Variants in NAV1 observed in about 807,000 individuals in gnomAD.
NAV1 encodes the protein neuron navigator 1.
A neutral mutation model predicts 175.2 loss-of-function variants in NAV1; 18 were observed. That is an observed-to-expected ratio of 0.10 (90% CI 0.07 to 0.15). The LOEUF is 0.15. Among genes scored for constraint, NAV1 ranks in the 10% least tolerant of loss-of-function variants. The pLI, the probability that NAV1 is intolerant of heterozygous loss-of-function variation, is 1.00. For synonymous variants in NAV1, 897 were observed against 978.7 expected, an observed-to-expected ratio of 0.92 and a Z score of 1.56; for missense variants, 1,731 against 2,436.6, an observed-to-expected ratio of 0.71 and a Z score of 6.10.
At chr1:201,809,095 A>G in intron 20 of NAV1, 69 bp from the exon 25 acceptor site, 1 of 1,490,200 alleles carries the variant, frequency 6.7e-7, no homozygotes, top group South Asian at 1.1e-5. Context: ...TGGAAAGGAT[A>G]ATGATGGGAA....
chr1:201,783,847 G>A, exon 7 of NAV1: 2 of 1,606,908 alleles, frequency 1.2e-6, no homozygotes, highest in Non-Finnish European at 1.7e-6. Context: ...CTGGGCAACT[G>A]GACAGGTAGG....
chr1:201,545,780 C>A (rs1011914005), intron 1 of NAV1, among the ~76,000 whole-genome samples: 1 of 152,196 alleles, frequency 6.6e-6, no homozygotes, highest in African/African-American at 2.4e-5. Context: ...AACCAGAGAA[C>A]TGGGCTGATG....
At chr1:201,638,240 G>A (rs1668661693) in intron 2 of NAV1, among the ~76,000 whole-genome samples, 1 of 152,168 alleles carries the variant, frequency 6.6e-6, no homozygotes, top group African/African-American at 2.4e-5. Flanking sequence ...CTGACTTGTT[G>A]GGACTGTCAG....
intron 1 of NAV1, among the ~76,000 whole-genome samples, chr1:201,543,042 T>G (rs1665559306): frequency 6.6e-6 from 1 of 152,258 alleles, no homozygotes; most frequent in African/African-American, 2.4e-5. Context: ...CTTTGGGATT[T>G]TCTATACATA....
rs1275323814 is a variant in NAV1, at chr1:201,740,268, C to G, written c.1226+21513C>G. ...CGCCAGAGAGGAGTGCCTGCGCCGC[C>G]GGAGCCTCCGAGCTCCTGGACGTTT... On this transcript the variant is annotated intron_variant, in intron 3 of 29. Coordinates refer to ENST00000367296, the Ensembl canonical transcript of NAV1. This position sits in a 1 kb window ranked among gnomAD's most constrained non-coding sequence, Gnocchi z 4.7. 1.3e-5 allele frequency among the ~76,000 whole-genome samples: 2 copies of G among 152,220 alleles called. No homozygotes were observed. The highest frequency in any genetic ancestry group is 4.8e-5 in the African/African-American group (2 of 41,448).
intron 2 of NAV1, among the ~76,000 whole-genome samples, chr1:201,642,033 CTCCT>C (rs1014944360): frequency 2.0e-5 from 3 of 147,890 alleles, no homozygotes; most frequent in Non-Finnish European, 4.5e-5. Context: ...CTCTTCCTTC[CTCCT>C]TCCTTTCCTT....
At chr1:201,648,482 C>A (rs1006679713) in exon 1 of NAV1, 61 of 1,233,508 alleles carry the variant, frequency 4.9e-5, no homozygotes, top group Non-Finnish European at 5.9e-5. Flanking sequence ...CTTTCCCCTG[C>A]GCCCTCGGCT....
chr1:201,665,836 C>A (rs560311545), intron 1 of NAV1, among the ~76,000 whole-genome samples: 1 of 151,888 alleles, frequency 6.6e-6, no homozygotes, highest in African/African-American at 2.4e-5. Context: ...CATCCTCCCT[C>A]ATCTCTCAAT....
chr1:201,603,662 G>C (rs570323366), intron 2 of NAV1, among the ~76,000 whole-genome samples: 1 of 152,264 alleles, frequency 6.6e-6, no homozygotes, highest in East Asian at 1.9e-4. Context: ...CCCCACTCCA[G>C]ACAGTAGGCC....
intron 1 of NAV1, among the ~76,000 whole-genome samples, chr1:201,562,487 G>A (rs1310735928): frequency 6.6e-6 from 1 of 152,222 alleles, no homozygotes; most frequent in African/African-American, 2.4e-5. Flanking sequence ...CTCCATCACA[G>A]CAACCCCTCA....
chr1:201,777,485 G>A (rs1300021410), intron 3 of NAV1, among the ~76,000 whole-genome samples: 2 of 151,012 alleles, frequency 1.3e-5, no homozygotes, highest in Admixed American at 1.3e-4. Flanking sequence ...AGTGACAGAG[G>A]TCTTGCTTTG....
chr1:201,689,671 T>C (rs1417369846), intron 1 of NAV1, among the ~76,000 whole-genome samples: 4 of 152,216 alleles, frequency 2.6e-5, no homozygotes, highest in Non-Finnish European at 5.9e-5. Flanking sequence ...TATGGAGATC[T>C]ACCTGTCCTG....
chr1:201,677,052 G>A (rs1161315234), intron 1 of NAV1, among the ~76,000 whole-genome samples: 1 of 152,030 alleles, frequency 6.6e-6, no homozygotes, highest in Non-Finnish European at 1.5e-5. Flanking sequence ...AGGAGTTTGA[G>A]ACCAGCCTGG....
intron 1 of NAV1, among the ~76,000 whole-genome samples, chr1:201,678,928 C>G (rs1379530178): frequency 1.3e-5 from 2 of 152,132 alleles, no homozygotes; most frequent in South Asian, 4.2e-4. Context: ...TCCCCTCCAT[C>G]TGCTTCCAGC....
chr1:201,635,135 T>C (rs1452043652), intron 2 of NAV1, among the ~76,000 whole-genome samples: 1 of 152,020 alleles, frequency 6.6e-6, no homozygotes, highest in Non-Finnish European at 1.5e-5. Flanking sequence ...GCCTCCTGGG[T>C]TGATGCCATT....
rs918275717 is a variant in NAV1 at position 201,539,541 on chromosome 1, C to T, written c.-144+199C>T. 1.3e-5 allele frequency among the ~76,000 whole-genome samples: 2 copies of T among 152,054 alleles called. No individual in the cohort carries two copies. The highest frequency in any genetic ancestry group is 1.5e-5 in the Non-Finnish European group (1 of 67,992). On this transcript the variant is annotated intron_variant, in intron 1 of 33. Transcript: ENST00000685211. This position sits in a 1 kb window ranked among gnomAD's most constrained non-coding sequence, Gnocchi z 5.6. The stretch of plus-strand genomic sequence containing the variant: ...AACAACCAAGATGCTCGCGGCTTCC[C>T]GGGAAGGTGTGTGCCCTTTCGACCC...
chr1:201,642,649 C>T (rs375837528), intron 2 of NAV1, among the ~76,000 whole-genome samples: 5 of 143,776 alleles, frequency 3.5e-5, no homozygotes, highest in East Asian at 4.0e-4. Flanking sequence ...CTTCCTCCCT[C>T]GCTCCTTCCT....
intron 1 of NAV1, among the ~76,000 whole-genome samples, chr1:201,706,266 T>TGG (rs1449556436): frequency 6.6e-6 from 1 of 151,818 alleles, no homozygotes; most frequent in Non-Finnish European, 1.5e-5. Context: ...TGTGTGTGTG[T>TGG]GTGTGTGTGT....
At chr1:201,657,139 C>G (rs1475184247) in intron 1 of NAV1, among the ~76,000 whole-genome samples, 1 of 152,198 alleles carries the variant, frequency 6.6e-6, no homozygotes, top group African/African-American at 2.4e-5. Flanking sequence ...AATCAGTAAT[C>G]TAATGGTTAT....
Sources: gnomAD v4.1 joint callset for allele counts (sites outside exome capture counted in the v4.1 genomes callset) on GRCh38, gnomAD v4.1.1 for gene constraint, Gnocchi (gnomAD v3.1) non-coding constraint, MANE v1.5 for transcripts, NCBI Gene and HGNC (gene_info 2026-07-23, HGNC 2026-07-21) for gene names.